Variants in TJP1 observed in about 807,000 individuals in gnomAD.
The protein encoded by TJP1 is tight junction protein 1, also known as tight junction protein ZO-1.
Under a neutral mutation model 194.2 loss-of-function variants are expected in TJP1, and 43 were observed. The ratio of observed to expected loss-of-function variants is 0.22; its 90% CI spans 0.17 to 0.29. The LOEUF (loss-of-function observed/expected upper bound fraction) is 0.29, where lower values mean the gene tolerates loss of function less well. TJP1 is among the 10% of genes least tolerant of loss of function. TJP1 has a pLI of 1.00. For missense variants in TJP1, 1,971 were observed against 2,185.7 expected (o/e 0.90, Z 1.96); for synonymous variants, 801 against 779.0 (o/e 1.03, Z -0.47).
chr15:29,750,909 A>C (rs1387512088), intron 8 of TJP1, among the ~76,000 whole-genome samples: 1 of 152,244 alleles, frequency 6.6e-6, no homozygotes, highest in Non-Finnish European at 1.5e-5. Flanking sequence ...AATTAACAAT[A>C]AAAATATGCT....
At chr15:29,802,495 A>C (rs1192544712) in intron 1 of TJP1, among the ~76,000 whole-genome samples, 1 of 152,078 alleles carries the variant, frequency 6.6e-6, no homozygotes, top group African/African-American at 2.4e-5. Context: ...CAACCTCACC[A>C]GCATTTGTTT....
In TJP1 at chr15:29,716,819, G is replaced by A. The variant is rs1466296851; in HGVS notation, c.3994C>T (p.Pro1332Ser). 5 of 1,602,350 alleles carry A rather than the reference G, an allele frequency of 3.1e-6. No homozygotes were observed. The African/African-American group carries it at 4.0e-5, about 13-fold the overall frequency. Reference sequence around the variant, plus strand: ...ATATCTTCAGGTGGCTTCAGTTGAGGTTTTTGAGGTTCTGGGATCCTAACA... The same window carrying A: ...ATATCTTCAGGTGGCTTCAGTTGAGATTTTTGAGGTTCTGGGATCCTAACA... ...TLYRIPEPQK[P>S]QLKPPEDIVR... The change falls in exon 23 of 28, where the codon CCT becomes TCT. Residue 1332 changes from proline (P) to serine (S), a missense_variant. By Grantham distance (74) the Pro-to-Ser change is moderately conservative. Around this residue, in one of 5 missense-constraint regions of TJP1, gnomAD observed 1,108 missense variants for 1,128.5 expected, o/e 0.98. Transcript: ENST00000614355.
chr15:29,702,137 G>A (rs2041588986), intron 27 of TJP1, among the ~76,000 whole-genome samples: 3 of 151,304 alleles, frequency 2.0e-5, no homozygotes, highest in African/African-American at 7.3e-5. Flanking sequence ...ATAATTATGT[G>A]ATCACCTATT....
intron 1 of TJP1, among the ~76,000 whole-genome samples, chr15:29,966,233 T>G (rs1311719392): frequency 6.6e-6 from 1 of 152,208 alleles, no homozygotes; most frequent in Non-Finnish European, 1.5e-5. Flanking sequence ...CCGCGCGCAG[T>G]GGCTCACACC....
In TJP1 at chr15:29,718,512, T is replaced by C. The variant is rs2151113338; in HGVS notation, c.3630A>G (p.Arg1210=). 6.2e-7 allele frequency: 1 copy of C among 1,614,144 alleles called. No individual in the cohort carries two copies. Among genetic ancestry groups the C allele is most frequent in the South Asian group, 1.1e-5 (1 of 91,082 alleles). Residue 1210 remains arginine (R), a synonymous_variant, in exon 21 of 28, where the codon AGA becomes AGG. Coordinates refer to ENST00000614355, the MANE Select transcript of TJP1 (RefSeq NM_001330239.4). ...CATGGAGAGGCTCAAAATGACCTGC[T>C]CTAGAGGTAAATCCTTGGGGTGGTA... ...EQVPPQGFTS[R]AGHFEPLHGA... is the part of the protein sequence containing the mutation.
intron 2 of TJP1, among the ~76,000 whole-genome samples, chr15:29,896,642 A>T (rs1450707070): frequency 2.0e-5 from 3 of 152,158 alleles, no homozygotes; most frequent in Admixed American, 6.5e-5. Context: ...CTTCCTAGAG[A>T]CTTGTTGAAT....
At chr15:29,719,353 CTAAA>C (rs1246620969) in intron 20 of TJP1, among the ~76,000 whole-genome samples, 1 of 151,924 alleles carries the variant, frequency 6.6e-6, no homozygotes, top group East Asian at 1.9e-4. Flanking sequence ...TCAGCATGTA[CTAAA>C]TAAACAGTGA....
chr15:29,864,264 A>AAAT (rs2052218597), intron 2 of TJP1, among the ~76,000 whole-genome samples: 1 of 147,042 alleles, frequency 6.8e-6, no homozygotes, highest in Non-Finnish European at 1.5e-5. Flanking sequence ...AAAAAAAAAA[A>AAAT]GCTGGGTGTG....
chr15:29,941,761 T>C (rs2055087458), intron 2 of TJP1, among the ~76,000 whole-genome samples: 1 of 152,200 alleles, frequency 6.6e-6, no homozygotes, highest in African/African-American at 2.4e-5. Flanking sequence ...GTTTACATTT[T>C]TGCCGGCTCC....
chr15:29,860,295 G>A (rs2052026115), intron 2 of TJP1, among the ~76,000 whole-genome samples: 2 of 152,028 alleles, frequency 1.3e-5, no homozygotes, highest in African/African-American at 4.8e-5. Flanking sequence ...CTGTTCCCTG[G>A]TTCCAGGGAG....
At chr15:29,787,478 C>G (rs2151782604) in intron 2 of TJP1, among the ~76,000 whole-genome samples, 1 of 152,084 alleles carries the variant, frequency 6.6e-6, no homozygotes, top group African/African-American at 2.4e-5. Flanking sequence ...ACATTTTCAC[C>G]ACCCTAAAAA....
chr15:29,726,226 C>T (rs184783428), intron 18 of TJP1, among the ~76,000 whole-genome samples, 153 bp downstream of exon 18: 14 of 152,234 alleles, frequency 9.2e-5, no homozygotes, highest in African/African-American at 3.4e-4. Context: ...CTTTCATAAC[C>T]CCTACACACA....
chr15:29,733,749 GTGA>G (rs1178328635), intron 12 of TJP1, among the ~76,000 whole-genome samples: 2 of 152,176 alleles, frequency 1.3e-5, no homozygotes, highest in African/African-American at 4.8e-5. Flanking sequence ...ATCTCATCTA[GTGA>G]GCAGAGGCTA....
intron 2 of TJP1, among the ~76,000 whole-genome samples, chr15:29,949,620 C>CCTCCACCACCACCACCACCTCCAT (rs1334787010): frequency 7.4e-6 from 1 of 135,372 alleles, no homozygotes. Flanking sequence ...TTCACCACCA[C>CCTCCACCACCACCACCACCTCCAT]CACCTCCACC....
chr15:29,718,680 G>A lies in TJP1; in HGVS notation c.3462C>T (p.Ala1154=). The A allele has an allele frequency of 1.2e-6, 2 of 1,614,176 alleles. No individual in the cohort carries two copies. The highest frequency in any genetic ancestry group is 1.7e-6 in the Non-Finnish European group (2 of 1,180,032). Residue 1154 remains alanine (A), a synonymous_variant, in exon 21 of 28, where the codon GCC becomes GCT. Transcript: ENST00000614355. ...GAGCTGGCTGCTCTTCGTGCCGCAG[G>A]GCGGATGCTCTAGGTGCCTGTTCGT... ...PRYEQAPRAS[A]LRHEEQPAPG... is the part of the protein sequence containing the mutation.
intron 1 of TJP1, among the ~76,000 whole-genome samples, chr15:29,959,224 C>G (rs979516728): frequency 6.6e-6 from 1 of 151,280 alleles, no homozygotes; most frequent in African/African-American, 2.4e-5. Flanking sequence ...CTCCTGACCT[C>G]GTGATCTGCC....
intron 8 of TJP1, chr15:29,760,187 G>C: frequency 5.7e-6 from 4 of 701,920 alleles, no homozygotes; most frequent in Non-Finnish European, 1.0e-5. Context: ...GTCAGGTGGT[G>C]GCCTATAGAG....
chr15:29,926,482 C>T (rs1596270309), intron 2 of TJP1, among the ~76,000 whole-genome samples: 1 of 152,012 alleles, frequency 6.6e-6, no homozygotes, highest in East Asian at 1.9e-4. Context: ...CATAGTGGAG[C>T]ATGCCTGTAA....
chr15:29,936,723 G>A (rs978231586), intron 2 of TJP1, among the ~76,000 whole-genome samples: 1 of 152,120 alleles, frequency 6.6e-6, no homozygotes, highest in Non-Finnish European at 1.5e-5. Flanking sequence ...CAAATTATTA[G>A]GGGTCCCCGT....
Sources: gnomAD v4.1 joint callset for allele counts (sites outside exome capture counted in the v4.1 genomes callset) on GRCh38, gnomAD v4.1.1 for gene constraint, gnomAD v4.1.1 regional missense constraint, MANE v1.5 for transcripts, NCBI Gene and HGNC (gene_info 2026-07-23, HGNC 2026-07-21) for gene names.